DCBLD2: variants seen among roughly 807,000 people sequenced by gnomAD.
The protein encoded by DCBLD2 is discoidin, CUB and LCCL domain containing 2.
DCBLD2 carries 54 observed loss-of-function variants against 86.8 expected under a neutral mutation model. That is an observed-to-expected ratio of 0.62 (90% CI 0.50 to 0.78). The LOEUF is 0.78. Ranked by LOEUF, DCBLD2 falls within the 30% of genes least tolerant of loss-of-function variation. DCBLD2 has a pLI of 0.00. For synonymous variants in DCBLD2, 354 were observed against 341.3 expected (o/e 1.04, Z -0.41); for missense variants, 908 against 954.2 (o/e 0.95, Z 0.64).
chr3:98,857,033 A>G (rs1314918700), intron 2 of DCBLD2, among the ~76,000 whole-genome samples: 1 of 152,208 alleles, frequency 6.6e-6, no homozygotes, highest in East Asian at 1.9e-4. Flanking sequence ...TACGGTTCTT[A>G]AAGGTGGCAT....
intron 1 of DCBLD2, among the ~76,000 whole-genome samples, chr3:98,896,658 T>C (rs368074432): frequency 6.6e-5 from 10 of 152,336 alleles, no homozygotes; most frequent in East Asian, 5.8e-4. Flanking sequence ...GATAATCATC[T>C]ACGTTTTTAG....
At chr3:98,806,946 T>C (rs1941850544) in intron 13 of DCBLD2, among the ~76,000 whole-genome samples, 1 of 152,114 alleles carries the variant, frequency 6.6e-6, no homozygotes, top group African/African-American at 2.4e-5. Flanking sequence ...CTGGCCTCAG[T>C]GGTTTCCTAA....
At chr3:98,855,622 T>C (rs1400513713) in intron 2 of DCBLD2, among the ~76,000 whole-genome samples, 1 of 152,192 alleles carries the variant, frequency 6.6e-6, no homozygotes, top group East Asian at 1.9e-4. Flanking sequence ...TAAGCATAGT[T>C]CCCTCCTCTA....
At chr3:98,885,630 G>A (rs909333609) in intron 1 of DCBLD2, among the ~76,000 whole-genome samples, 7 of 151,922 alleles carry the variant, frequency 4.6e-5, no homozygotes, top group African/African-American at 1.7e-4. Flanking sequence ...AATTAGAAAT[G>A]TGTTTCCAGT....
At chr3:98,805,563 T>C (rs9809974) in intron 13 of DCBLD2, among the ~76,000 whole-genome samples, 185 of 152,292 alleles carry the variant, frequency 1.2e-3, no homozygotes, top group Non-Finnish European at 1.7e-3. Flanking sequence ...GCTGCAGCTG[T>C]TTTTATTATC....
intron 2 of DCBLD2, among the ~76,000 whole-genome samples, chr3:98,868,022 C>A (rs1943189378): frequency 6.6e-6 from 1 of 152,060 alleles, no homozygotes; most frequent in Non-Finnish European, 1.5e-5. Flanking sequence ...CCAGGATGGT[C>A]TCGATCTCCT....
At chr3:98,824,999 G>GA (rs1434600187) in intron 4 of DCBLD2, among the ~76,000 whole-genome samples, 1 of 151,682 alleles carries the variant, frequency 6.6e-6, no homozygotes, top group African/African-American at 2.4e-5. Flanking sequence ...TCAATTTTTT[G>GA]AAAAAAGATA....
chr3:98,819,468 C>T, intron 7 of DCBLD2, 51 bp from the exon 8 acceptor site: 1 of 1,582,196 alleles, frequency 6.3e-7, no homozygotes, highest in Non-Finnish European at 8.7e-7. Context: ...TTTCAAAATG[C>T]ATGTAGACCT....
chr3:98,839,153 T>TTC (rs1553727013), intron 3 of DCBLD2, among the ~76,000 whole-genome samples: 43,256 of 108,868 alleles, frequency 0.4, 7,740 homozygotes, highest in East Asian at 0.71. Flanking sequence ...CCTTCTTTCT[T>TTC]TCTTTCTTTC....
chr3:98,799,592 G>A lies in DCBLD2; in HGVS notation c.2108C>T (p.Ala703Val). The A allele has an allele frequency of 6.2e-7, 1 of 1,613,998 alleles. No individual in the cohort carries two copies. The highest frequency in any genetic ancestry group is 1.3e-5 in the African/African-American group (1 of 75,050). Residue 703 changes from alanine to valine, a missense_variant, in exon 16 of 16, where the codon GCT becomes GTT. This residue lies in a region of DCBLD2 where 606 missense variants were observed against 678.5 expected (regional missense o/e 0.89). Transcript: ENST00000326840. ...TAGTGGGGGAGGTTGGTTCCCCGTA[G>A]CCTTGAAAGTGGATGTGGAGGGCTG... is the stretch of plus-strand genomic sequence containing the variant. ...VGQPSTSTFK[A>V]TGNQPPPLVG...
At chr3:98,840,685 T>C (rs764280049) in intron 3 of DCBLD2, among the ~76,000 whole-genome samples, 4 of 152,094 alleles carry the variant, frequency 2.6e-5, no homozygotes, top group Non-Finnish European at 5.9e-5. Context: ...TTGGTAAAGA[T>C]GGGGGTCTCA....
At chr3:98,808,033 C>T (rs778030660) in intron 13 of DCBLD2, 48 bp downstream of exon 13, 4 of 1,375,498 alleles carry the variant, frequency 2.9e-6, no homozygotes, top group Non-Finnish European at 3.9e-6. Flanking sequence ...TTAGCTTCTA[C>T]TTCACATTTG....
At chr3:98,897,994 T>C (rs1424395792) in intron 1 of DCBLD2, among the ~76,000 whole-genome samples, 1 of 152,070 alleles carries the variant, frequency 6.6e-6, no homozygotes, top group Non-Finnish European at 1.5e-5. Context: ...AGCATAAGTT[T>C]CACCAATTTA....
At chr3:98,834,142 C>CT (rs10588325) in intron 3 of DCBLD2, among the ~76,000 whole-genome samples, 28 of 124,906 alleles carry the variant, frequency 2.2e-4, no homozygotes, top group African/African-American at 6.9e-4. Context: ...GAGTTGTTTT[C>CT]TTTTTTTTTT....
At chr3:98,889,246 A>T (rs1943614312) in intron 1 of DCBLD2, among the ~76,000 whole-genome samples, 1 of 152,040 alleles carries the variant, frequency 6.6e-6, no homozygotes, top group Non-Finnish European at 1.5e-5. Context: ...GATGAGTGTC[A>T]TCAGATAGTA....
At chr3:98,869,122 T>C (rs1576193411) in intron 2 of DCBLD2, among the ~76,000 whole-genome samples, 1 of 152,234 alleles carries the variant, frequency 6.6e-6, no homozygotes, top group Non-Finnish European at 1.5e-5. Context: ...ACATCTATTG[T>C]TTTTTGACTT....
intron 4 of DCBLD2, among the ~76,000 whole-genome samples, chr3:98,823,155 G>A (rs1942154732): frequency 1.3e-5 from 2 of 152,142 alleles, no homozygotes; most frequent in African/African-American, 2.4e-5. Context: ...TTTCAGGTGT[G>A]AATGACTGTG....
At chr3:98,834,454 C>T (rs1198901084) in intron 3 of DCBLD2, among the ~76,000 whole-genome samples, 1 of 151,746 alleles carries the variant, frequency 6.6e-6, no homozygotes, top group Non-Finnish European at 1.5e-5. Context: ...TTCATCCCCC[C>T]ACCTCCTCCC....
chr3:98,822,226 A>ACAC lies in DCBLD2; in HGVS notation c.829_830+1dup. On this transcript the variant is annotated splice_donor_variant, in intron 6 of 15. Transcript: ENST00000326840. LOFTEE classifies it high-confidence loss of function. ...TATTTTTTAAATTGCATATATACTT[A>ACAC]CACCACAGATGTGACGTTGTTAGCC... is the stretch of plus-strand genomic sequence containing the variant. The ACAC allele has an allele frequency of 6.2e-7, 1 of 1,613,676 alleles. No individual in the cohort carries two copies. Among genetic ancestry groups the ACAC allele is most frequent in the Admixed American group, 1.7e-5 (1 of 59,986 alleles).
Sources: allele counts gnomAD v4.1 joint callset (sites outside exome capture counted in the v4.1 genomes callset), GRCh38; gene constraint gnomAD v4.1.1; regional missense constraint gnomAD v4.1.1; transcripts MANE v1.5; gene names NCBI Gene and HGNC (gene_info 2026-07-23, HGNC 2026-07-21).